CDH8: variants seen among roughly 807,000 people sequenced by gnomAD.
The protein encoded by CDH8 is cadherin-8.
CDH8 carries 17 observed loss-of-function variants against 68.1 expected under a neutral mutation model. The ratio of observed to expected loss-of-function variants is 0.25; its 90% CI spans 0.17 to 0.37. The LOEUF (loss-of-function observed/expected upper bound fraction) is 0.37, where lower values mean the gene tolerates loss of function less well. CDH8 is among the 10% of genes least tolerant of loss of function. The pLI, the probability that CDH8 is intolerant of heterozygous loss-of-function variation, is 1.00. For synonymous variants in CDH8, 372 were observed against 365.1 expected (o/e 1.02, Z -0.21); for missense variants, 763 against 999.3 (o/e 0.76, Z 3.19).
chr16:61,674,678 A>G (rs1963862985), intron 10 of CDH8, among the ~76,000 whole-genome samples: 1 of 152,122 alleles, frequency 6.6e-6, no homozygotes, highest in Non-Finnish European at 1.5e-5. Context: ...TATAGAAATG[A>G]CAGTGATGAT....
At chr16:62,008,388 G>C (rs908732254) in intron 2 of CDH8, among the ~76,000 whole-genome samples, 10 of 152,186 alleles carry the variant, frequency 6.6e-5, no homozygotes, top group African/African-American at 2.4e-4. Context: ...ATGTGATGAT[G>C]GGGAGCTGGG....
chr16:61,973,588 ACAACACAGAGCC>A (rs1448046537), intron 2 of CDH8, among the ~76,000 whole-genome samples: 5 of 152,202 alleles, frequency 3.3e-5, no homozygotes, highest in African/African-American at 1.2e-4. Flanking sequence ...ACTCTTGTTC[ACAACACAGAGCC>A]CATGGCTTAA....
chr16:61,887,541 G>A (rs936624353), intron 3 of CDH8, among the ~76,000 whole-genome samples: 8 of 152,058 alleles, frequency 5.3e-5, no homozygotes, highest in South Asian at 2.1e-4. Flanking sequence ...GTTCATCTGC[G>A]CACTTGTGCC....
At chr16:61,714,724 C>A (rs4784154) in intron 9 of CDH8, among the ~76,000 whole-genome samples, 4,845 of 151,576 alleles carry the variant, frequency 0.032, 357 homozygotes, top group East Asian at 0.24. Context: ...ATTTATGATT[C>A]TGTGATATTG....
chr16:61,747,316 G>A (rs991201923), intron 8 of CDH8, among the ~76,000 whole-genome samples: 3 of 152,088 alleles, frequency 2.0e-5, no homozygotes, highest in South Asian at 4.1e-4. Flanking sequence ...TAATGCAGAG[G>A]GCCTGTGTAT....
chr16:61,877,572 G>C (rs1467195524), intron 3 of CDH8, among the ~76,000 whole-genome samples: 1 of 152,152 alleles, frequency 6.6e-6, no homozygotes, highest in Admixed American at 6.5e-5. Flanking sequence ...GAGACATTGT[G>C]AGTCAAGGCA....
At chr16:61,992,893 A>G (rs1454011268) in intron 2 of CDH8, among the ~76,000 whole-genome samples, 2 of 152,016 alleles carry the variant, frequency 1.3e-5, no homozygotes, top group Non-Finnish European at 2.9e-5. Context: ...GGCTCATAGG[A>G]TCCTCCCACT....
chr16:61,830,114 T>C (rs1014413518), intron 4 of CDH8, among the ~76,000 whole-genome samples: 3 of 151,876 alleles, frequency 2.0e-5, no homozygotes, highest in Non-Finnish European at 4.4e-5. Context: ...TTGGCTAACA[T>C]ATCTCCCAAG....
At chr16:61,950,151 G>A (rs1964868297) in intron 2 of CDH8, among the ~76,000 whole-genome samples, 2 of 152,236 alleles carry the variant, frequency 1.3e-5, no homozygotes, top group South Asian at 2.1e-4. Context: ...AGCACTTTCT[G>A]TCTATAAAGG....
chr16:62,005,755 A>G (rs978458437), intron 2 of CDH8, among the ~76,000 whole-genome samples: 3 of 151,310 alleles, frequency 2.0e-5, no homozygotes, highest in Non-Finnish European at 4.4e-5. Context: ...AAAAAAAAAA[A>G]AACATTGCCC....
chr16:61,651,091 A>G lies in CDH8; in HGVS notation c.*2517T>C, dbSNP rs1028201853. 7 of 152,162 alleles carry G rather than the reference A, an allele frequency of 4.6e-5. No homozygotes were observed. The highest frequency in any genetic ancestry group is 1.7e-4 in the African/African-American group (7 of 41,444). The allele number at this position is 152,162 out of a possible 1,614,324, so 9.4% of individuals were successfully genotyped here. ...TAAAAAATACTGTAATTATTCTGTT[A>G]GACATATTTGTGTGTCTATAATCTT... is the stretch of plus-strand genomic sequence containing the variant. On this transcript the variant is annotated 3_prime_UTR_variant, in exon 12 of 12. Transcript: ENST00000577390.
chr16:61,959,282 G>A (rs1965037348), intron 2 of CDH8, among the ~76,000 whole-genome samples: 1 of 151,770 alleles, frequency 6.6e-6, no homozygotes, highest in South Asian at 2.1e-4. Context: ...AAACACAAAT[G>A]TGAAAAAAAG....
intron 3 of CDH8, among the ~76,000 whole-genome samples, chr16:61,882,515 A>G (rs141930585): frequency 6.6e-6 from 1 of 152,182 alleles, no homozygotes; most frequent in African/African-American, 2.4e-5. Context: ...CAGTTCCAAA[A>G]ATTTTGAGAA....
intron 10 of CDH8, among the ~76,000 whole-genome samples, chr16:61,670,809 T>C (rs1300553455): frequency 1.3e-5 from 2 of 151,948 alleles, no homozygotes; most frequent in Non-Finnish European, 2.9e-5. Flanking sequence ...AGTTGGTGAC[T>C]AAAGGTGTGG....
intron 7 of CDH8, among the ~76,000 whole-genome samples, chr16:61,797,360 G>A (rs1961523372): frequency 6.6e-6 from 1 of 152,010 alleles, no homozygotes; most frequent in Non-Finnish European, 1.5e-5. Context: ...CGAACAAACT[G>A]CAATTAAGTC....
At chr16:61,940,607 T>C (rs1232871329) in intron 2 of CDH8, 1 of 152,242 alleles carries the variant, frequency 6.6e-6, no homozygotes, top group Non-Finnish European at 1.5e-5. Context: ...TTCACCATGT[T>C]GGCCAGGACG....
At chr16:61,784,397 T>G (rs1179075875) in intron 8 of CDH8, among the ~76,000 whole-genome samples, 3 of 149,618 alleles carry the variant, frequency 2.0e-5, no homozygotes, top group African/African-American at 7.3e-5. Context: ...CTATCCTAAA[T>G]ATATATGCAC....
chr16:61,672,112 A>G (rs1308768193), intron 10 of CDH8, among the ~76,000 whole-genome samples: 1 of 151,962 alleles, frequency 6.6e-6, no homozygotes, highest in Non-Finnish European at 1.5e-5. Context: ...ATGGTATTTG[A>G]TTTTCTAAGC....
At chr16:61,787,515 T>C (rs1194959696) in intron 8 of CDH8, among the ~76,000 whole-genome samples, 1 of 141,092 alleles carries the variant, frequency 7.1e-6, no homozygotes, top group Non-Finnish European at 1.5e-5. Flanking sequence ...AGTTCAACCA[T>C]TGTGGAAGTC....
Sources: gnomAD v4.1 joint callset for allele counts (sites outside exome capture counted in the v4.1 genomes callset) on GRCh38, gnomAD v4.1.1 for gene constraint, MANE v1.5 for transcripts, NCBI Gene and HGNC (gene_info 2026-07-23, HGNC 2026-07-21) for gene names.